Variants in TONSL observed in about 807,000 individuals in gnomAD.
The protein encoded by TONSL is tonsoku like, DNA repair protein.
Under a neutral mutation model 147.1 loss-of-function variants are expected in TONSL, and 112 were observed. The ratio of observed to expected loss-of-function variants is 0.76; its 90% CI spans 0.65 to 0.89. The LOEUF (loss-of-function observed/expected upper bound fraction) is 0.89, where lower values mean the gene tolerates loss of function less well. Ranked by LOEUF, TONSL falls within the 40% of genes least tolerant of loss-of-function variation. The pLI is 0.00. For missense variants in TONSL, 1,883 were observed against 1,864.6 expected (o/e 1.01, Z -0.18); for synonymous variants, 868 against 801.5 (o/e 1.08, Z -1.40).
At position 144,434,203 on chromosome 8, in the gene TONSL, CAGGGCCAGGGAGCAGGCGCTG is replaced by C; in HGVS notation, c.3141_3161del (p.Phe1047_Ala1053del). On this transcript the variant is annotated inframe_deletion, in exon 21 of 26. Transcript: ENST00000409379. ...GCAGGGGTGTAAGCTGGGCCTGGTC[CAGGGCCAGGGAGCAGGCGCTG>C]AACGAGAGGCCCAAGCCCTGGAGCT... is the stretch of plus-strand genomic sequence containing the variant. 1.3e-6 allele frequency: 2 copies of C among 1,580,392 alleles called. No homozygotes were observed. The highest frequency in any genetic ancestry group is 1.1e-5 in the South Asian group (1 of 88,044).
chr8:144,443,018 G>A, intron 4 of TONSL, 120 bp downstream of exon 4: 1 of 1,311,932 alleles, frequency 7.6e-7, no homozygotes, highest in Middle Eastern at 1.9e-4. Flanking sequence ...CCTCACACAA[G>A]AGCCTTGCAA....
chr8:144,442,403 G>A lies in TONSL; in HGVS notation c.588C>T (p.His196=), dbSNP rs1823753959. ...GGGCGCGGAATAGGTCCTCGTAAAG[G>A]TGGTTCTGCCTGCAGAGGGGTGACG... ...RKSIFLAEQN[H]LYEDLFRARY... The change falls in exon 6 of 26, where the codon CAC becomes CAT. Residue 196 remains histidine, a synonymous_variant. Transcript: ENST00000409379. The A allele has an allele frequency of 6.5e-7, 1 of 1,545,924 alleles. No individual in the cohort carries two copies. Among genetic ancestry groups the A allele is most frequent in the Non-Finnish European group, 8.7e-7 (1 of 1,144,374 alleles).
Position 144,442,879 on chromosome 8 carries a change from G to A in TONSL, c.449-73C>T, listed in dbSNP as rs532754481. The A allele has an allele frequency of 3.3e-6, 5 of 1,535,040 alleles. No individual in the cohort carries two copies. The South Asian group carries it at 6.2e-5, about 19-fold the overall frequency. On this transcript the variant is annotated intron_variant, in intron 4 of 25. Coordinates refer to ENST00000409379, the MANE Select transcript of TONSL (RefSeq NM_013432.5). ...GTTTCCAGCTTTGGGCCCCATTTGG[G>A]GCCTGTGCAGCGCCTCTCCTACCCC...
chr8:144,432,418 A>G lies in TONSL; in HGVS notation c.3602T>C (p.Leu1201Pro), dbSNP rs1554878914. ...LKTLSLSYNA[L>P]GAPALARTLQ... ...GGTCCTGGCCAGGGCAGGGGCTCCC[A>G]GGGCGTTGTAGGACAGGGACAGGGT... The change falls in exon 23 of 26, where the codon CTG becomes CCG. Residue 1201 changes from leucine to proline, a missense_variant. Physicochemically the swap from Leu to Pro is moderately conservative, Grantham distance 98 (BLOSUM62 -3). Coordinates refer to ENST00000409379, the MANE Select transcript of TONSL (RefSeq NM_013432.5). The G allele has an allele frequency of 6.3e-7, 1 of 1,584,096 alleles. No individual in the cohort carries two copies. Among genetic ancestry groups the G allele is most frequent in the East Asian group, 2.3e-5 (1 of 44,340 alleles).
chr8:144,441,224 C>G, intron 7 of TONSL, 113 bp from the exon 8 acceptor site: 1 of 1,429,944 alleles, frequency 7.0e-7, no homozygotes, highest in Non-Finnish European at 9.4e-7. Flanking sequence ...ACACCTCTGC[C>G]TGCCTGTTGG....
chr8:144,430,330 G>A (rs1823131411), intron 25 of TONSL, 74 bp downstream of exon 25: 1 of 1,437,920 alleles, frequency 7.0e-7, no homozygotes, highest in Non-Finnish European at 9.2e-7. Flanking sequence ...CCCCTTAGGA[G>A]GAGGCACCTG....
At chr8:144,432,733 G>T in intron 22 of TONSL, 1 of 331,756 alleles carries the variant, frequency 3.0e-6, no homozygotes, top group Non-Finnish European at 5.5e-6. Context: ...CCTCTGCACA[G>T]TGGGGGTGCC....
In TONSL at chr8:144,435,922, C is replaced by T; in HGVS notation, c.2511G>A (p.Glu837=). The T allele has an allele frequency of 6.3e-7, 1 of 1,580,520 alleles. No individual in the cohort carries two copies. The highest frequency in any genetic ancestry group is 8.6e-7 in the Non-Finnish European group (1 of 1,160,108). Residue 837 remains glutamate (E), a synonymous_variant, in exon 17 of 26, where the codon GAG becomes GAA. Transcript: ENST00000409379. The stretch of plus-strand genomic sequence containing the variant: ...GGCTGCGGGTCAGGGGCATGTCCAG[C>T]TCCAGCCAGTCCCCGGCCAGGCACT... ...EEECLAGDWL[E]LDMPLTRSRR...
chr8:144,433,684 C>G lies in TONSL; in HGVS notation c.3463G>C (p.Ala1155Pro). The G allele has an allele frequency of 1.2e-6, 2 of 1,612,500 alleles. No individual in the cohort carries two copies. Among genetic ancestry groups the G allele is most frequent in the South Asian group, 1.1e-5 (1 of 90,984 alleles). ...CGCAGGGTGCTGAGTAAGGGGCAGGCGTGCAGGAGGGAGGCCAGGGACTGG... is the reference window on the plus strand; with the variant it reads ...CGCAGGGTGCTGAGTAAGGGGCAGGGGTGCAGGAGGGAGGCCAGGGACTGG... The part of the protein sequence containing the change: ...CGQSLASLLH[A>P]CPLLSTLRLQ... The change falls in exon 22 of 26, where the codon GCC (alanine) becomes CCC (proline). Residue 1155 changes from alanine to proline, a missense_variant. Physicochemically the swap from Ala to Pro is conservative, Grantham distance 27. Transcript: ENST00000409379.
Position 144,438,777 on chromosome 8 carries a change from G to T in TONSL, c.1481-42C>A, listed in dbSNP as rs536928271. 6.0e-5 allele frequency: 96 copies of T among 1,594,596 alleles called. 1 individual carries two copies. In the Admixed American group the frequency reaches 1.5e-3, roughly 25 times the overall value. ...CCCACCCCAGGGGAGTCCGTGGGAG[G>T]TGAAGGTTAGCAGCCCCCACCCTGC... On this transcript the variant is annotated intron_variant, in intron 11 of 25. Transcript: ENST00000409379.
Position 144,429,351 on chromosome 8 carries a change from AG to A in TONSL, c.3944-16del. 1 of 1,407,422 alleles carries A rather than the reference AG, an allele frequency of 7.1e-7. No individual in the cohort carries two copies. 87.2% of individuals were successfully genotyped at this position (1,407,422 alleles called of 1,614,324 possible). A position where few individuals can be genotyped will look rare whatever the true frequency, so the allele number is the denominator to read the frequency against. ...GACGGCGCAGCCTGCGGAGGGGAAG[AG>A]GGCAGACCTCAGCGCTGCGGGGGCC... On this transcript the variant is annotated splice_polypyrimidine_tract_variant and intron_variant, in intron 25 of 25. Coordinates refer to ENST00000409379, the MANE Select transcript of TONSL (RefSeq NM_013432.5).
At position 144,432,825 on chromosome 8, in the gene TONSL, C is replaced by G. The variant is rs1823267555; in HGVS notation, c.3560-365G>C. On this transcript the variant is annotated intron_variant, in intron 22 of 25. Coordinates refer to ENST00000409379, the MANE Select transcript of TONSL (RefSeq NM_013432.5). ...TTCCCAGCCTCTTGGCACTGGGACC[C>G]CAGTCTCTGCAGCCTGAGTGGGCTC... 2.2e-5 allele frequency: 4 copies of G among 183,416 alleles called. No individual in the cohort carries two copies. In the Admixed American group the frequency reaches 2.3e-4, roughly 11 times the overall value. The allele number at this position is 183,416 out of a possible 1,614,324, so 11.4% of individuals were successfully genotyped here.
chr8:144,444,245 C>T lies in TONSL; in HGVS notation c.56G>A (p.Arg19Lys). The T allele has an allele frequency of 6.9e-7, 1 of 1,456,492 alleles. No homozygotes were observed. Among genetic ancestry groups the T allele is most frequent in the Non-Finnish European group, 9.0e-7 (1 of 1,106,822 alleles). The allele number at this position is 1,456,492 out of a possible 1,614,324, so 90.2% of individuals were successfully genotyped here. Residue 19 changes from arginine to lysine, a missense_variant, in exon 2 of 26, where the codon AGG (arginine) becomes AAG (lysine). Coordinates refer to ENST00000409379, the MANE Select transcript of TONSL (RefSeq NM_013432.5). ...QLSKAKAKAQRAGQRREEAAL... is the reference protein window; with the variant it reads ...QLSKAKAKAQKAGQRREEAAL... ...GGCCTCTTCGCGCCGCTGCCCGGCC[C>T]TCTGCGCCTTGGCTTTCGCCTTGCT...
At chr8:144,434,434 T>C (rs1823349106) in intron 20 of TONSL, among the ~76,000 whole-genome samples, 155 bp from the exon 21 acceptor site, 2 of 152,110 alleles carry the variant, frequency 1.3e-5, no homozygotes, top group Admixed American at 6.5e-5. Context: ...GGTCTAGCAC[T>C]GTGAGGCCCT....
chr8:144,438,381 A>G, intron 13 of TONSL, 90 bp downstream of exon 13: 1 of 1,383,392 alleles, frequency 7.2e-7, no homozygotes, highest in South Asian at 1.2e-5. Context: ...AAGATGAGGA[A>G]GTTGAGAGTT....
chr8:144,435,124 G>A lies in TONSL; in HGVS notation c.2899C>T (p.Arg967Cys), dbSNP rs753171653. 12 of 1,584,932 alleles carry A rather than the reference G, an allele frequency of 7.6e-6. No homozygotes were observed. The highest frequency in any genetic ancestry group is 1.3e-5 in the African/African-American group (1 of 74,096). Reference sequence around the variant, plus strand: ...AGCAGCCCGCAGGTCTGGTAGTAGCGCTGGGCCGCCTGCTCGGCCAGCCAG... The same window carrying A: ...AGCAGCCCGCAGGTCTGGTAGTAGCACTGGGCCGCCTGCTCGGCCAGCCAG... ...VAWLAEQAAQ[R>C]YYQTCGLLPR... The change falls in exon 19 of 26, where the codon CGC becomes TGC. Residue 967 changes from arginine (R) to cysteine (C), a missense_variant. Physicochemically the swap from Arg to Cys is radical, Grantham distance 180. Transcript: ENST00000409379.
chr8:144,443,070 G>A (rs1402095175), intron 4 of TONSL, 68 bp downstream of exon 4: 2 of 1,501,204 alleles, frequency 1.3e-6, no homozygotes, highest in South Asian at 2.6e-5. Context: ...GGAGGCTGCG[G>A]GGGTGCTGGG....
At chr8:144,430,302 G>C in intron 25 of TONSL, 102 bp downstream of exon 25, 4 of 1,353,034 alleles carry the variant, frequency 3.0e-6, no homozygotes, top group Non-Finnish European at 3.9e-6. Context: ...CTTGCTGCCT[G>C]GCTGGTAGCA....
chr8:144,441,199 C>T (rs1159786471), intron 7 of TONSL, 88 bp from the exon 8 acceptor site: 3 of 1,525,060 alleles, frequency 2.0e-6, no homozygotes, highest in Admixed American at 3.8e-5. Flanking sequence ...CTGTGGTGGC[C>T]CCCCCACTCT....
Sources: allele counts gnomAD v4.1 joint callset (sites outside exome capture counted in the v4.1 genomes callset), GRCh38; gene constraint gnomAD v4.1.1; transcripts MANE v1.5; gene names NCBI Gene and HGNC (gene_info 2026-07-23, HGNC 2026-07-21).